Variants in TMEM117 observed in about 807,000 individuals in gnomAD.
TMEM117 encodes the protein transmembrane protein 117.
A neutral mutation model predicts 52.4 loss-of-function variants in TMEM117; 27 were observed. The observed-to-expected ratio is 0.51, with a 90% CI of 0.38 to 0.71. The LOEUF (loss-of-function observed/expected upper bound fraction) is 0.71. TMEM117 is among the 30% of genes least tolerant of loss of function. The pLI, the probability that TMEM117 is intolerant of heterozygous loss-of-function variation, is 0.00. For missense variants in TMEM117, 556 were observed against 630.5 expected, an observed-to-expected ratio of 0.88 and a Z score of 1.26; for synonymous variants, 215 against 206.3, an observed-to-expected ratio of 1.04 and a Z score of -0.36.
At chr12:43,894,197 C>A (rs1282521322) in intron 2 of TMEM117, among the ~76,000 whole-genome samples, 1 of 152,156 alleles carries the variant, frequency 6.6e-6, no homozygotes, top group Non-Finnish European at 1.5e-5. Context: ...TTAATGGCAG[C>A]CACCTTGGGG....
chr12:44,303,709 A>G (rs1490863119), intron 6 of TMEM117, among the ~76,000 whole-genome samples: 1 of 152,178 alleles, frequency 6.6e-6, no homozygotes, highest in Non-Finnish European at 1.5e-5. Context: ...TTTGATTTAT[A>G]TATATCCCTC....
chr12:44,228,965 T>G (rs2077543083), intron 5 of TMEM117, among the ~76,000 whole-genome samples: 1 of 152,064 alleles, frequency 6.6e-6, no homozygotes, highest in Non-Finnish European at 1.5e-5. Flanking sequence ...GGCAGTACAA[T>G]AAACAGGGAT....
intron 5 of TMEM117, among the ~76,000 whole-genome samples, chr12:44,263,180 A>G (rs148119973): frequency 1.3e-5 from 2 of 152,310 alleles, no homozygotes; most frequent in East Asian, 1.9e-4. Flanking sequence ...GCTTTTATCT[A>G]TAACAAAGTT....
intron 2 of TMEM117, among the ~76,000 whole-genome samples, chr12:43,904,220 A>G (rs1489055928): frequency 2.0e-5 from 3 of 152,154 alleles, no homozygotes; most frequent in African/African-American, 7.2e-5. Flanking sequence ...CTTAAAAACA[A>G]CCTTTTAGGC....
In TMEM117 at chr12:44,368,117, A is replaced by G. The variant is rs536004958; in HGVS notation, c.769-8478A>G. 1.2e-3 allele frequency among the ~76,000 whole-genome samples: 178 copies of G among 152,148 alleles called. 1 individual carries two copies. In the Middle Eastern group the frequency reaches 0.014, roughly 12 times the overall value. On this transcript the variant is annotated intron_variant, in intron 6 of 7. Transcript: ENST00000266534. ...TCTAGCTGATATGATCCTCCTCCAG[A>G]GCTTCTCAGGGCTTCCTCTTTCATA...
At chr12:44,333,935 C>T (rs1417245772) in intron 6 of TMEM117, among the ~76,000 whole-genome samples, 1 of 151,990 alleles carries the variant, frequency 6.6e-6, no homozygotes, top group Non-Finnish European at 1.5e-5. Context: ...TGGATATGAG[C>T]TTGGGTTTCA....
chr12:44,044,711 C>CATGAT lies in TMEM117; in HGVS notation c.411-98813_411-98812insTGATA, dbSNP rs1307209494. 3.3e-3 allele frequency among the ~76,000 whole-genome samples: 498 copies of CATGAT among 152,286 alleles called. 4 individuals carry two copies. Among genetic ancestry groups the CATGAT allele is most frequent in the African/African-American group, 0.011 (456 of 41,564 alleles). Reference sequence around the variant, plus strand: ...TAGATGGCTTTGCATGATACACAGGCACCAACTGAAAGTGGACAGCTGCAG... The same window carrying CATGAT: ...TAGATGGCTTTGCATGATACACAGGCATGATACCAACTGAAAGTGGACAGCTGCAG... On this transcript the variant is annotated intron_variant, in intron 3 of 7. Transcript: ENST00000266534.
chr12:44,157,035 A>G (rs759095253), intron 4 of TMEM117, among the ~76,000 whole-genome samples: 2 of 152,114 alleles, frequency 1.3e-5, no homozygotes, highest in Non-Finnish European at 2.9e-5. Context: ...GGCTCAGATA[A>G]TATTTAAGTT....
chr12:44,134,398 A>G (rs190367459), intron 3 of TMEM117, among the ~76,000 whole-genome samples: 1 of 152,154 alleles, frequency 6.6e-6, no homozygotes, highest in East Asian at 1.9e-4. Flanking sequence ...TTGGTTTTGT[A>G]GAGATGTGGT....
At chr12:43,867,464 G>A (rs1943622807) in intron 2 of TMEM117, among the ~76,000 whole-genome samples, 1 of 152,172 alleles carries the variant, frequency 6.6e-6, no homozygotes, top group Non-Finnish European at 1.5e-5. Flanking sequence ...CAGCAAAGTG[G>A]TAGACCTAAA....
the TMEM117 span, among the ~76,000 whole-genome samples, chr12:43,807,322 C>T: frequency 6.6e-6 from 1 of 152,130 alleles, no homozygotes; most frequent in Admixed American, 6.6e-5. Flanking sequence ...GATGAACAGG[C>T]CTGCAATTGT....
At chr12:44,381,447 T>C (rs1218559013) in intron 7 of TMEM117, among the ~76,000 whole-genome samples, 1 of 152,048 alleles carries the variant, frequency 6.6e-6, no homozygotes, top group Non-Finnish European at 1.5e-5. Context: ...CTCCTCTGAG[T>C]CCTATTAATG....
At chr12:43,798,672 AAAT>A in the TMEM117 span, 7 of 1,339,240 alleles carry the variant, frequency 5.2e-6, no homozygotes, top group Admixed American at 7.9e-5. Flanking sequence ...ATATGAATTA[AAAT>A]AATATGATAG....
intron 2 of TMEM117, among the ~76,000 whole-genome samples, chr12:43,913,307 G>C (rs1441839843): frequency 6.6e-6 from 1 of 152,116 alleles, no homozygotes; most frequent in Non-Finnish European, 1.5e-5. Context: ...CCACAGGAAA[G>C]TGCCTCATAT....
chr12:44,103,702 A>G (rs1196324677), intron 3 of TMEM117, among the ~76,000 whole-genome samples: 3 of 151,996 alleles, frequency 2.0e-5, no homozygotes, highest in African/African-American at 4.8e-5. Context: ...TGCTACTGGA[A>G]TCCACACAAC....
Position 43,944,286 on chromosome 12 carries a change from T to C in TMEM117, c.354T>C (p.Phe118=). The change falls in exon 3 of 8, where the codon TTT becomes TTC. Residue 118 remains phenylalanine, a synonymous_variant. Transcript: ENST00000266534. ...CAATGTTCTTCAGCACAATTCTCTT[T>C]CTCTTCATATTTTCTCACATATACA... The part of the protein sequence containing the change: ...WMTMFFSTIL[F]LFIFSHIYNT... 3 of 1,613,340 alleles carry C rather than the reference T, an allele frequency of 1.9e-6. No individual in the cohort carries two copies. Among genetic ancestry groups the C allele is most frequent in the Non-Finnish European group, 2.5e-6 (3 of 1,179,388 alleles).
At chr12:44,397,149 G>T in the TMEM117 span, among the ~76,000 whole-genome samples, 3 of 152,186 alleles carry the variant, frequency 2.0e-5, no homozygotes, top group African/African-American at 7.2e-5. Context: ...GACAAAGCAT[G>T]AGAGAGTTAA....
intron 3 of TMEM117, among the ~76,000 whole-genome samples, chr12:44,118,692 A>G (rs576378865): frequency 6.6e-6 from 1 of 152,336 alleles, no homozygotes; most frequent in Non-Finnish European, 1.5e-5. Context: ...CAAGTATTAC[A>G]TGATATCTTA....
At chr12:43,851,733 G>C (rs1943312033) in intron 2 of TMEM117, among the ~76,000 whole-genome samples, 1 of 152,146 alleles carries the variant, frequency 6.6e-6, no homozygotes, top group South Asian at 2.1e-4. Context: ...GATTTCATGG[G>C]TTTCAAAACC....
Sources: allele counts gnomAD v4.1 joint callset (sites outside exome capture counted in the v4.1 genomes callset), GRCh38; gene constraint gnomAD v4.1.1; transcripts MANE v1.5; gene names NCBI Gene and HGNC (gene_info 2026-07-23, HGNC 2026-07-21).